The following LNX1 variants were observed in gnomAD, a reference collection of about 807,000 sequenced individuals.
LNX1 encodes the protein E3 ubiquitin-protein ligase LNX.
Under a neutral mutation model 68.4 loss-of-function variants are expected in LNX1, and 54 were observed. The ratio of observed to expected loss-of-function variants is 0.79; its 90% CI spans 0.63 to 0.99. The LOEUF (loss-of-function observed/expected upper bound fraction) is 0.99, where lower values mean the gene tolerates loss of function less well. LNX1 is among the 50% of genes least tolerant of loss of function. The pLI is 0.00. For synonymous variants in LNX1, 336 were observed against 350.0 expected, an observed-to-expected ratio of 0.96 and a Z score of 0.45; for missense variants, 906 against 926.4, an observed-to-expected ratio of 0.98 and a Z score of 0.29.
rs1431858708 is a variant in LNX1, at chr4:53,496,037, C to A, written c.1336G>T (p.Ala446Ser). ...CTCTGACTCACCTGAATCAGATGAG[C>A]CGCACTTTCTGGGCTGCCATATCGA... ...DLRYGSPESA[A>S]HLIQASERRV... The change falls in exon 6 of 11, where the codon GCT becomes TCT. Residue 446 changes from alanine to serine, a missense_variant. By Grantham distance (99) the Ala-to-Ser change is moderately conservative (BLOSUM62 1). Coordinates refer to ENST00000263925, the MANE Select transcript of LNX1 (RefSeq NM_001126328.3). 6.2e-7 allele frequency: 1 copy of A among 1,612,752 alleles called. No individual in the cohort carries two copies. Among genetic ancestry groups the A allele is most frequent in the African/African-American group, 1.3e-5 (1 of 74,906 alleles).
At chr4:53,624,603 T>TTGGTGCA (rs1734006575) in intron 1 of LNX1, among the ~76,000 whole-genome samples, 1 of 152,162 alleles carries the variant, frequency 6.6e-6, no homozygotes, top group Admixed American at 6.6e-5. Flanking sequence ...AATAGTCTCT[T>TTGGTGCA]TGGTGCAACT....
At chr4:53,465,556 A>G (rs1405889844) in intron 9 of LNX1, among the ~76,000 whole-genome samples, 2 of 152,216 alleles carry the variant, frequency 1.3e-5, no homozygotes, top group African/African-American at 4.8e-5. Flanking sequence ...TTTACAATCA[A>G]TGCAACTGCA....
intron 9 of LNX1, among the ~76,000 whole-genome samples, chr4:53,468,004 G>A (rs567092580): frequency 6.6e-6 from 1 of 152,058 alleles, no homozygotes; most frequent in Admixed American, 6.6e-5. Flanking sequence ...CACAAAGATA[G>A]TCCTCAAGAA....
At chr4:53,552,878 C>T (rs1406158045) in intron 2 of LNX1, among the ~76,000 whole-genome samples, 1 of 151,224 alleles carries the variant, frequency 6.6e-6, no homozygotes, top group Non-Finnish European at 1.5e-5. Context: ...TTACAAAAGC[C>T]ACAGGAGATG....
intron 2 of LNX1, among the ~76,000 whole-genome samples, chr4:53,517,780 G>GA (rs60566426): frequency 0.29 from 44,654 of 152,010 alleles, 6,858 homozygotes; most frequent in Middle Eastern, 0.44. Flanking sequence ...ACTGCACATG[G>GA]AAAAAAGTTA....
chr4:53,636,665 G>C (rs1300641042), intron 1 of LNX1, among the ~76,000 whole-genome samples: 2 of 152,094 alleles, frequency 1.3e-5, no homozygotes, highest in Non-Finnish European at 2.9e-5. Flanking sequence ...CACTTACTTT[G>C]ATAGTAATTT....
Position 53,645,438 on chromosome 4 carries a change from T to A in LNX1, c.-215+6730A>T, listed in dbSNP as rs554777222. ...GTGCACTACCATTGGGGTTACCCAA[T>A]GGGGTCTATTCCAGAAAAGGGAAGG... On this transcript the variant is annotated intron_variant, in intron 1 of 2. Transcript: ENST00000507168. Among the ~76,000 whole-genome samples the A allele has an allele frequency of 5.3e-5, 8 of 152,270 alleles. No homozygotes were observed. The South Asian group carries it at 1.7e-3, about 32-fold the overall frequency.
At chr4:53,576,398 G>A in intron 1 of LNX1, 1 of 1,554,476 alleles carries the variant, frequency 6.4e-7, no homozygotes, top group Non-Finnish European at 8.7e-7. Context: ...CCCCTCACAT[G>A]ACCAGTCCTA....
chr4:53,628,463 G>A (rs1284000934), intron 1 of LNX1, among the ~76,000 whole-genome samples: 2 of 152,128 alleles, frequency 1.3e-5, no homozygotes, highest in Non-Finnish European at 2.9e-5. Flanking sequence ...CTGCAAGAAT[G>A]ACCATTATTA....
intron 1 of LNX1, among the ~76,000 whole-genome samples, chr4:53,626,223 G>A (rs1341566361): frequency 1.3e-5 from 2 of 152,090 alleles, no homozygotes; most frequent in East Asian, 3.9e-4. Flanking sequence ...TCGTTTTCAA[G>A]GACTGAGCAG....
intron 2 of LNX1, among the ~76,000 whole-genome samples, chr4:53,569,987 T>C (rs914522435): frequency 2.6e-5 from 4 of 152,190 alleles, no homozygotes; most frequent in African/African-American, 9.7e-5. Flanking sequence ...CCAGTTAGAA[T>C]GGCGATCATT....
chr4:53,567,534 G>A lies in LNX1; in HGVS notation c.380+6089C>T, dbSNP rs1479263131. ...AATTTATAGCACTAAGTGCCCACAA[G>A]AGAAAGCAGGAAAGATCTAAAATTG... On this transcript the variant is annotated intron_variant, in intron 2 of 10. Coordinates refer to ENST00000263925, the MANE Select transcript of LNX1 (RefSeq NM_001126328.3). 2.6e-5 allele frequency among the ~76,000 whole-genome samples: 4 copies of A among 152,320 alleles called. No individual in the cohort carries two copies. The East Asian group carries it at 7.7e-4, about 29-fold the overall frequency.
intron 6 of LNX1, 63 bp from the exon 7 acceptor site, chr4:53,481,917 A>G (rs2109419841): frequency 6.8e-7 from 1 of 1,467,172 alleles, no homozygotes; most frequent in Non-Finnish European, 9.1e-7. Context: ...CAGCACCAGG[A>G]GCTTACAAAA....
At chr4:53,468,442 C>G (rs1722874652) in intron 9 of LNX1, among the ~76,000 whole-genome samples, 1 of 152,156 alleles carries the variant, frequency 6.6e-6, no homozygotes, top group African/African-American at 2.4e-5. Flanking sequence ...AACTAATGAG[C>G]AAGCTAACCA....
intron 4 of LNX1, among the ~76,000 whole-genome samples, chr4:53,503,906 G>A (rs1725680004): frequency 1.3e-5 from 2 of 152,216 alleles, no homozygotes; most frequent in South Asian, 2.1e-4. Context: ...GGCCGAGGCA[G>A]GCGGATGACC....
intron 2 of LNX1, among the ~76,000 whole-genome samples, chr4:53,547,116 A>G (rs1188631494): frequency 1.3e-5 from 2 of 152,190 alleles, no homozygotes; most frequent in East Asian, 1.9e-4. Context: ...TATCAAATCG[A>G]AGACTATGTC....
rs780476552 is a variant in LNX1 at position 53,459,598 on chromosome 4, G to A, written c.*1309C>T. The A allele has an allele frequency of 4.5e-5, 50 of 1,108,452 alleles. No homozygotes were observed. Among genetic ancestry groups the A allele is most frequent in the Non-Finnish European group, 6.3e-5 (48 of 759,264 alleles). The allele number at this position is 1,108,452 out of a possible 1,614,324, so 68.7% of individuals were successfully genotyped here. ...AACTTTTTTTCCAAAATAAAAGAGT[G>A]AATTTTTCATGTTAAGTTAAAAATC... is the stretch of plus-strand genomic sequence containing the variant. On this transcript the variant is annotated 3_prime_UTR_variant, in exon 11 of 11. Transcript: ENST00000263925.
At position 53,609,640 on chromosome 4, in the gene LNX1, A is replaced by C. The variant is rs916713222; in HGVS notation, c.-215+6877T>G. On this transcript the variant is annotated intron_variant, in intron 2 of 3. Transcript: ENST00000504299. ...TGTTATAAATAGTATATATAATTAT[A>C]CTATTTATAATACTATTATAGTACT... Among the ~76,000 whole-genome samples the C allele has an allele frequency of 6.1e-4, 89 of 145,514 alleles. 1 individual carries two copies. Among genetic ancestry groups the C allele is most frequent in the Admixed American group, 1.6e-3 (23 of 14,320 alleles).
At chr4:53,540,808 A>G (rs1233188906) in intron 2 of LNX1, among the ~76,000 whole-genome samples, 4 of 152,214 alleles carry the variant, frequency 2.6e-5, no homozygotes, top group African/African-American at 9.6e-5. Context: ...ATTTGTCTTT[A>G]GTAAAATAAG....
Sources: gnomAD v4.1 joint callset for allele counts (sites outside exome capture counted in the v4.1 genomes callset) on GRCh38, gnomAD v4.1.1 for gene constraint, MANE v1.5 for transcripts, NCBI Gene and HGNC (gene_info 2026-07-23, HGNC 2026-07-21) for gene names.